Variants in SYNE1 observed in about 807,000 individuals in gnomAD.
SYNE1 encodes spectrin repeat containing nuclear envelope protein 1, also known as nesprin-1.
SYNE1 carries 616 observed loss-of-function variants against 1,111.0 expected under a neutral mutation model. The observed-to-expected ratio is 0.55, with a 90% CI of 0.52 to 0.59. The LOEUF (loss-of-function observed/expected upper bound fraction) is 0.59, where lower values mean the gene tolerates loss of function less well. Among genes scored for constraint, SYNE1 ranks in the 20% least tolerant of loss-of-function variants. The pLI is 0.00. For missense variants in SYNE1, 10,006 were observed against 10,417.0 expected, an observed-to-expected ratio of 0.96 and a Z score of 1.72; for synonymous variants, 3,855 against 3,825.8, an observed-to-expected ratio of 1.01 and a Z score of -0.28.
At chr6:152,502,592 A>G (rs1218958395) in intron 10 of SYNE1, 41 bp downstream of exon 10, 1 of 1,465,114 alleles carries the variant, frequency 6.8e-7, no homozygotes, top group Admixed American at 1.7e-5. Context: ...AGTCACTGTC[A>G]TTGCATATAC....
At chr6:152,265,941 T>C (rs913173700) in intron 100 of SYNE1, among the ~76,000 whole-genome samples, 1 of 152,242 alleles carries the variant, frequency 6.6e-6, no homozygotes, top group Non-Finnish European at 1.5e-5. Context: ...ATATCAGGCT[T>C]TTTCCTAGCA....
chr6:152,347,452 G>A (rs2096657173), intron 72 of SYNE1, among the ~76,000 whole-genome samples: 2 of 152,080 alleles, frequency 1.3e-5, no homozygotes, highest in African/African-American at 2.4e-5. Flanking sequence ...AGTTACATAA[G>A]GAATGATGAA....
At chr6:152,310,598 T>C (rs2095517188) in intron 88 of SYNE1, 80 bp from the exon 89 acceptor site, 3 of 1,611,340 alleles carry the variant, frequency 1.9e-6, no homozygotes, top group Admixed American at 1.7e-5. Flanking sequence ...AGAAACCACA[T>C]CACAGGTGAG....
chr6:152,321,454 C>T, intron 83 of SYNE1, 64 bp from the exon 84 acceptor site: 4 of 1,568,538 alleles, frequency 2.6e-6, no homozygotes, highest in Non-Finnish European at 2.6e-6. Flanking sequence ...ATAGACAAGG[C>T]TGTATATTTT....
chr6:152,265,545 C>T (rs576672638), intron 100 of SYNE1, among the ~76,000 whole-genome samples: 2 of 151,966 alleles, frequency 1.3e-5, no homozygotes, highest in Admixed American at 1.3e-4. Context: ...GTGGTAATAG[C>T]CTATAGTATA....
intron 3 of SYNE1, among the ~76,000 whole-genome samples, chr6:152,577,775 G>GT (rs1399085119): frequency 1.5e-5 from 2 of 136,662 alleles, no homozygotes; most frequent in Admixed American, 7.3e-5. Context: ...TGAGTTTTCT[G>GT]TTTTGTTTTT....
chr6:152,376,635 A>C, intron 57 of SYNE1, 77 bp from the exon 58 acceptor site: 1 of 1,582,624 alleles, frequency 6.3e-7, no homozygotes, highest in African/African-American at 1.4e-5. Context: ...TAGAATCACC[A>C]GTTCTTAGAA....
chr6:152,231,081 A>G (rs774955094), intron 114 of SYNE1, among the ~76,000 whole-genome samples: 26 of 152,254 alleles, frequency 1.7e-4, no homozygotes, highest in Non-Finnish European at 3.5e-4. Context: ...TGAATTTCAT[A>G]AAGTATGAAT....
rs1224750206 is a variant in SYNE1 at position 152,407,153 on chromosome 6, C to T, written c.6584G>A (p.Ser2195Asn). The T allele has an allele frequency of 1.2e-6, 2 of 1,613,912 alleles. No individual in the cohort carries two copies. Among genetic ancestry groups the T allele is most frequent in the African/African-American group, 2.7e-5 (2 of 74,878 alleles). The change falls in exon 45 of 146, where the codon AGC becomes AAC. Residue 2195 changes from serine (S) to asparagine (N), a missense_variant. Around this residue, in one of 7 missense-constraint regions of SYNE1, gnomAD observed 4,955 missense variants for 5,017.2 expected, o/e 0.99. Transcript: ENST00000367255. ...CAGTACATCATCCCAAATGGACAGGCTTACTCTCAGCCTATCCATGTTTTC... is the reference window on the plus strand; with the variant it reads ...CAGTACATCATCCCAAATGGACAGGTTTACTCTCAGCCTATCCATGTTTTC... ...LEENMDRLRVSLSIWDDVLST... is the reference protein window; with the variant it reads ...LEENMDRLRVNLSIWDDVLST...
At chr6:152,437,768 A>T (rs571770796) in intron 32 of SYNE1, among the ~76,000 whole-genome samples, 2 of 152,060 alleles carry the variant, frequency 1.3e-5, no homozygotes, top group East Asian at 3.9e-4. Flanking sequence ...ATTTTGATCA[A>T]CTCCCTTCTC....
intron 3 of SYNE1, among the ~76,000 whole-genome samples, chr6:152,603,237 C>G (rs1227604798): frequency 2.0e-5 from 3 of 152,126 alleles, no homozygotes; most frequent in Non-Finnish European, 2.9e-5. Flanking sequence ...ATTCAAGCAA[C>G]AGGAAAATTA....
At chr6:152,488,711 G>A (rs766815538) in intron 11 of SYNE1, among the ~76,000 whole-genome samples, 1 of 141,258 alleles carries the variant, frequency 7.1e-6, no homozygotes, top group African/African-American at 2.8e-5. Context: ...ATTGAATAAC[G>A]AAATTAACCA....
At chr6:152,582,449 ACACT>A (rs1472479170) in intron 3 of SYNE1, among the ~76,000 whole-genome samples, 1 of 152,130 alleles carries the variant, frequency 6.6e-6, no homozygotes, top group Non-Finnish European at 1.5e-5. Flanking sequence ...GTGTGTACAC[ACACT>A]GAGTTAAATT....
At chr6:152,317,669 T>C (rs530494044) in intron 86 of SYNE1, among the ~76,000 whole-genome samples, 41 of 152,330 alleles carry the variant, frequency 2.7e-4, no homozygotes, top group African/African-American at 9.6e-4. Context: ...CTAGTCTATA[T>C]GCAACAATTA....
chr6:152,608,915 G>C (rs1414110472), intron 3 of SYNE1, among the ~76,000 whole-genome samples: 1 of 150,880 alleles, frequency 6.6e-6, no homozygotes, highest in Non-Finnish European at 1.5e-5. Context: ...CGTGGTGACA[G>C]AGCGAGACTC....
intron 105 of SYNE1, among the ~76,000 whole-genome samples, chr6:152,246,135 T>C (rs1175300738): frequency 2.0e-5 from 3 of 152,078 alleles, no homozygotes; most frequent in East Asian, 3.9e-4. Context: ...ATAGAGACCA[T>C]CCTGCAGGAA....
intron 104 of SYNE1, among the ~76,000 whole-genome samples, chr6:152,250,306 A>G (rs2088789813): frequency 6.6e-6 from 1 of 152,234 alleles, no homozygotes; most frequent in South Asian, 2.1e-4. Flanking sequence ...ATATCAACAA[A>G]TAAGTTCTAT....
In SYNE1 at chr6:152,293,576, G is replaced by A; in HGVS notation, c.18012+12C>T. On this transcript the variant is annotated intron_variant, in intron 95 of 145. Coordinates refer to ENST00000367255, the MANE Select transcript of SYNE1 (RefSeq NM_182961.4). ...CAATCAAGTAGGAAACTGAAGTCAT[G>A]GCTATTTGTACCTGATGTTCAGCCA... 2 of 1,613,834 alleles carry A rather than the reference G, an allele frequency of 1.2e-6. No homozygotes were observed. Among genetic ancestry groups the A allele is most frequent in the Non-Finnish European group, 1.7e-6 (2 of 1,179,826 alleles).
intron 131 of SYNE1, among the ~76,000 whole-genome samples, chr6:152,156,977 G>A (rs143237283): frequency 4.6e-5 from 7 of 152,134 alleles, no homozygotes; most frequent in African/African-American, 7.2e-5. Flanking sequence ...ACAGGTACCC[G>A]CCATCATGCC....
Sources: gnomAD v4.1 joint callset for allele counts (sites outside exome capture counted in the v4.1 genomes callset) on GRCh38, gnomAD v4.1.1 for gene constraint, gnomAD v4.1.1 regional missense constraint, MANE v1.5 for transcripts, NCBI Gene and HGNC (gene_info 2026-07-23, HGNC 2026-07-21) for gene names.